CDH9: variants seen among roughly 807,000 people sequenced by gnomAD.
The protein encoded by CDH9 is cadherin-9.
A neutral mutation model predicts 70.9 loss-of-function variants in CDH9; 28 were observed. The observed-to-expected ratio is 0.40, with a 90% CI of 0.29 to 0.54. The LOEUF (loss-of-function observed/expected upper bound fraction) is 0.54. Ranked by LOEUF, CDH9 falls within the 20% of genes least tolerant of loss-of-function variation. CDH9 has a pLI of 0.59. For missense variants in CDH9, 874 were observed against 984.4 expected (o/e 0.89, Z 1.50); for synonymous variants, 409 against 343.1 (o/e 1.19, Z -2.12).
intron 2 of CDH9, among the ~76,000 whole-genome samples, chr5:26,929,688 A>C: frequency 6.6e-6 from 1 of 152,086 alleles, no homozygotes; most frequent in East Asian, 1.9e-4. Context: ...CTGTCATTTC[A>C]AAAACACAGA....
At chr5:26,931,953 T>C (rs903539817) in intron 2 of CDH9, among the ~76,000 whole-genome samples, 1 of 152,160 alleles carries the variant, frequency 6.6e-6, no homozygotes. Context: ...AATCCTCACA[T>C]CTATGTTCAG....
At chr5:26,972,039 G>A (rs1452098422) in intron 2 of CDH9, among the ~76,000 whole-genome samples, 1 of 152,100 alleles carries the variant, frequency 6.6e-6, no homozygotes, top group African/African-American at 2.4e-5. Flanking sequence ...CTATTTTAAA[G>A]GTTTTAAAAG....
At chr5:27,024,091 A>T (rs924343672) in intron 1 of CDH9, among the ~76,000 whole-genome samples, 1 of 151,914 alleles carries the variant, frequency 6.6e-6, no homozygotes, top group Admixed American at 6.6e-5. Context: ...AAAAATAAAC[A>T]TAGAATTTAA....
chr5:27,008,729 T>G (rs1368402540), intron 1 of CDH9, among the ~76,000 whole-genome samples: 3 of 152,148 alleles, frequency 2.0e-5, no homozygotes, highest in Non-Finnish European at 4.4e-5. Flanking sequence ...TTATAGTAAG[T>G]GTTAATGTGA....
chr5:27,012,297 A>G (rs2112116320), intron 1 of CDH9, among the ~76,000 whole-genome samples: 1 of 151,976 alleles, frequency 6.6e-6, no homozygotes, highest in Middle Eastern at 3.4e-3. Context: ...TTATTTTTTA[A>G]TATTTTCAAT....
chr5:26,941,833 T>A (rs890248422), intron 2 of CDH9, among the ~76,000 whole-genome samples: 1 of 152,170 alleles, frequency 6.6e-6, no homozygotes, highest in Admixed American at 6.5e-5. Context: ...GAATAGGAAT[T>A]TATTTCTTAC....
intron 2 of CDH9, among the ~76,000 whole-genome samples, chr5:26,928,642 A>T (rs1741387188): frequency 6.6e-6 from 1 of 152,090 alleles, no homozygotes; most frequent in Admixed American, 6.6e-5. Context: ...GTGTAAAAAC[A>T]GACATAGACC....
intron 2 of CDH9, among the ~76,000 whole-genome samples, chr5:26,945,880 C>CGTCACT (rs1561012611): frequency 6.6e-6 from 1 of 152,048 alleles, no homozygotes; most frequent in Admixed American, 6.6e-5. Flanking sequence ...CATTCTTTTC[C>CGTCACT]GTCACTGGGG....
At chr5:26,894,400 T>C (rs1267069335) in intron 7 of CDH9, among the ~76,000 whole-genome samples, 1 of 152,102 alleles carries the variant, frequency 6.6e-6, no homozygotes, top group Non-Finnish European at 1.5e-5. Context: ...AGGATCAAAA[T>C]AGATTTGGGT....
intron 11 of CDH9, among the ~76,000 whole-genome samples, chr5:26,884,950 C>T (rs1464083912): frequency 1.3e-5 from 2 of 152,070 alleles, no homozygotes; most frequent in Non-Finnish European, 2.9e-5. Context: ...AGGACCACAG[C>T]GACATAGTGA....
At chr5:26,966,416 C>T (rs568794211) in intron 2 of CDH9, among the ~76,000 whole-genome samples, 2 of 152,226 alleles carry the variant, frequency 1.3e-5, no homozygotes, top group South Asian at 2.1e-4. Context: ...AAATTGCAAC[C>T]GTTATTCAAA....
At chr5:26,989,516 C>CTCTCTG (rs1278148049) in intron 1 of CDH9, among the ~76,000 whole-genome samples, 3 of 151,328 alleles carry the variant, frequency 2.0e-5, no homozygotes. Flanking sequence ...CTGTCTCTCT[C>CTCTCTG]TCTCTCTCTC....
chr5:27,009,772 T>C (rs896804827), intron 1 of CDH9, among the ~76,000 whole-genome samples: 7 of 152,132 alleles, frequency 4.6e-5, no homozygotes, highest in African/African-American at 1.7e-4. Flanking sequence ...AAAAACGAAA[T>C]GCCTTATCTA....
chr5:26,985,924 T>C (rs776372772), intron 2 of CDH9, among the ~76,000 whole-genome samples: 5 of 152,086 alleles, frequency 3.3e-5, no homozygotes, highest in Non-Finnish European at 7.4e-5. Context: ...TAAATAGTGA[T>C]GTCAAAAGCC....
chr5:26,931,714 G>T (rs75165404), intron 2 of CDH9, among the ~76,000 whole-genome samples: 1 of 152,018 alleles, frequency 6.6e-6, no homozygotes, highest in Non-Finnish European at 1.5e-5. Flanking sequence ...AGAAGAATGC[G>T]TGCTATGAAA....
At chr5:27,024,755 C>G (rs1743193831) in intron 1 of CDH9, among the ~76,000 whole-genome samples, 1 of 151,990 alleles carries the variant, frequency 6.6e-6, no homozygotes, top group Admixed American at 6.6e-5. Context: ...GACATTGAAA[C>G]TTATGTTCTG....
chr5:27,031,528 A>G (rs534550129), intron 1 of CDH9, among the ~76,000 whole-genome samples: 3 of 152,050 alleles, frequency 2.0e-5, no homozygotes, highest in Non-Finnish European at 2.9e-5. Flanking sequence ...CTCTGCAATA[A>G]CATTGTATTA....
chr5:26,900,394 T>A (rs892363918), intron 7 of CDH9, among the ~76,000 whole-genome samples: 1 of 151,984 alleles, frequency 6.6e-6, no homozygotes, highest in Non-Finnish European at 1.5e-5. Context: ...AAAACAAAAC[T>A]ATAGAAGGTA....
chr5:27,022,998 T>C (rs186654118), intron 1 of CDH9, among the ~76,000 whole-genome samples: 16 of 152,156 alleles, frequency 1.1e-4, no homozygotes, highest in Admixed American at 6.6e-4. Flanking sequence ...GAAAGTTTAA[T>C]ACGACTATTT....
Sources: gnomAD v4.1 joint callset for allele counts (sites outside exome capture counted in the v4.1 genomes callset) on GRCh38, gnomAD v4.1.1 for gene constraint, MANE v1.5 for transcripts, NCBI Gene and HGNC (gene_info 2026-07-23, HGNC 2026-07-21) for gene names.